The following PTPRK variants were observed in gnomAD, a reference collection of about 807,000 sequenced individuals.
PTPRK encodes protein tyrosine phosphatase receptor type K.
PTPRK carries 75 observed loss-of-function variants against 178.0 expected under a neutral mutation model. That is an observed-to-expected ratio of 0.42 (90% CI 0.35 to 0.51). The LOEUF is 0.51. Among genes scored for constraint, PTPRK ranks in the 20% least tolerant of loss-of-function variants. PTPRK has a pLI of 0.02. For synonymous variants in PTPRK, 637 were observed against 620.6 expected (o/e 1.03, Z -0.39); for missense variants, 1,441 against 1,797.8 (o/e 0.80, Z 3.59).
intron 3 of PTPRK, among the ~76,000 whole-genome samples, chr6:128,276,217 T>C (rs1038923857): frequency 6.6e-6 from 1 of 152,106 alleles, no homozygotes; most frequent in Non-Finnish European, 1.5e-5. Flanking sequence ...TGTAAGTAAT[T>C]TAAATACAAA....
At chr6:128,457,269 T>C (rs111541659) in intron 1 of PTPRK, among the ~76,000 whole-genome samples, 2 of 152,162 alleles carry the variant, frequency 1.3e-5, no homozygotes, top group Admixed American at 6.6e-5. Context: ...TTTCAAAGTA[T>C]ACAAACAGGA....
intron 2 of PTPRK, among the ~76,000 whole-genome samples, chr6:128,347,904 C>T (rs562315338): frequency 2.0e-5 from 3 of 151,874 alleles, no homozygotes; most frequent in African/African-American, 4.8e-5. Flanking sequence ...AACATTAATA[C>T]GTCGATTTTA....
At chr6:128,076,178 G>C (rs1045717504) in intron 11 of PTPRK, among the ~76,000 whole-genome samples, 2 of 151,924 alleles carry the variant, frequency 1.3e-5, no homozygotes, top group Admixed American at 6.6e-5. Flanking sequence ...AAAGATTTGA[G>C]ATACCAGACC....
chr6:128,055,099 A>G (rs1345524711), intron 13 of PTPRK, among the ~76,000 whole-genome samples: 3 of 152,214 alleles, frequency 2.0e-5, no homozygotes, highest in Non-Finnish European at 4.4e-5. Context: ...TATATTTGAA[A>G]GTTTTTTGGC....
intron 1 of PTPRK, among the ~76,000 whole-genome samples, chr6:128,433,725 C>T (rs978876870): frequency 2.6e-5 from 4 of 151,744 alleles, no homozygotes; most frequent in Non-Finnish European, 5.9e-5. Flanking sequence ...CCATGTTGCC[C>T]AGGCTGGTCT....
chr6:128,233,619 GTATCACA>G (rs1480990964), intron 5 of PTPRK, among the ~76,000 whole-genome samples: 1 of 152,186 alleles, frequency 6.6e-6, no homozygotes, highest in Admixed American at 6.5e-5. Context: ...GCAACTAGCT[GTATCACA>G]CTATTCTAGC....
At chr6:128,299,432 G>C (rs1825143633) in intron 3 of PTPRK, among the ~76,000 whole-genome samples, 1 of 152,000 alleles carries the variant, frequency 6.6e-6, no homozygotes, top group South Asian at 2.1e-4. Context: ...TAAGCCAAAA[G>C]AACAAAGCTG....
At chr6:128,453,495 A>G (rs577576353) in intron 1 of PTPRK, among the ~76,000 whole-genome samples, 15 of 152,166 alleles carry the variant, frequency 9.9e-5, no homozygotes, top group Admixed American at 4.6e-4. Flanking sequence ...GGCACAAAAT[A>G]AATCCTGAAC....
chr6:128,067,539 C>A lies in PTPRK; in HGVS notation c.2137G>T (p.Ala713Ser). Residue 713 changes from alanine to serine, a missense_variant, in exon 12 of 30, where the codon GCG becomes TCG. This residue lies in a region of PTPRK where 945 missense variants were observed against 1,080.6 expected (regional missense o/e 0.87). Coordinates refer to ENST00000368226, the MANE Select transcript of PTPRK (RefSeq NM_002844.4). ...PRKGYNIYFQ[A>S]MSSVEKETKT... The stretch of plus-strand genomic sequence containing the variant: ...CTCACCTTCTCCACACTGCTCATCG[C>A]CTGGAAATAGATGTTGTATCCTTTG... 6.4e-7 allele frequency: 1 copy of A among 1,568,550 alleles called. No homozygotes were observed. The highest frequency in any genetic ancestry group is 8.7e-7 in the Non-Finnish European group (1 of 1,150,686).
chr6:128,299,500 C>T (rs1825161634), intron 3 of PTPRK, among the ~76,000 whole-genome samples: 1 of 151,714 alleles, frequency 6.6e-6, no homozygotes, highest in South Asian at 2.1e-4. Context: ...ACCAAAACAG[C>T]ATGGTACTGG....
At chr6:128,111,288 T>C (rs1181717576) in intron 7 of PTPRK, among the ~76,000 whole-genome samples, 1 of 152,192 alleles carries the variant, frequency 6.6e-6, no homozygotes, top group African/African-American at 2.4e-5. Context: ...TTGCCAAAAG[T>C]ACTTTCCAGT....
rs1786595510 is a variant in PTPRK at position 128,089,728 on chromosome 6, T to C, written c.1427A>G (p.Lys476Arg). 2 of 1,613,106 alleles carry C rather than the reference T, an allele frequency of 1.2e-6. No homozygotes were observed. The highest frequency in any genetic ancestry group is 1.7e-6 in the Non-Finnish European group (2 of 1,179,164). ...TTGAATAATTGTCTCTTCACTCTCCTTCCTTCCCTCTGGATTGGTTAGGAT... is the reference window on the plus strand; with the variant it reads ...TTGAATAATTGTCTCTTCACTCTCCCTCCTTCCCTCTGGATTGGTTAGGAT... ...KMILTNPEGR[K>R]ESEETIIQTD... The change falls in exon 8 of 30, where the codon AAG (lysine) becomes AGG (arginine). Residue 476 changes from lysine (K) to arginine (R), a missense_variant. Coordinates refer to ENST00000368226, the MANE Select transcript of PTPRK (RefSeq NM_002844.4).
chr6:128,352,020 G>A (rs1172469500), intron 2 of PTPRK, among the ~76,000 whole-genome samples: 1 of 151,904 alleles, frequency 6.6e-6, no homozygotes, highest in Non-Finnish European at 1.5e-5. Flanking sequence ...ACTTTGGGAG[G>A]CTAAGGCAGG....
chr6:128,459,417 C>T (rs899150713), intron 1 of PTPRK, among the ~76,000 whole-genome samples: 5 of 152,130 alleles, frequency 3.3e-5, no homozygotes, highest in South Asian at 2.1e-4. Context: ...GAAAGCCATT[C>T]TCCCACCACC....
intron 4 of PTPRK, chr6:128,241,106 A>C: frequency 2.5e-6 from 1 of 404,142 alleles, no homozygotes; most frequent in South Asian, 2.0e-5. Flanking sequence ...GAACTTAGTA[A>C]GGCAGCTTGA....
chr6:128,421,118 A>AT (rs1843428608), intron 1 of PTPRK, among the ~76,000 whole-genome samples: 1 of 152,188 alleles, frequency 6.6e-6, no homozygotes, highest in Non-Finnish European at 1.5e-5. Flanking sequence ...TGACAGATAT[A>AT]TTTTTCCTAA....
Position 128,089,975 on chromosome 6 carries a change from T to C in PTPRK, c.1180A>G (p.Lys394Glu), listed in dbSNP as rs1376996521. The C allele has an allele frequency of 8.1e-6, 13 of 1,605,884 alleles. No homozygotes were observed. The highest frequency in any genetic ancestry group is 1.0e-5 in the Non-Finnish European group (12 of 1,172,598). The change falls in exon 8 of 30, where the codon AAG (lysine) becomes GAG (glutamate). Residue 394 changes from lysine (K) to glutamate (E), a missense_variant. Transcript: ENST00000368226. The stretch of plus-strand genomic sequence containing the variant: ...TGTATTTCAGCAATCTTTAATGTCT[T>C]TGGGGTTCTCATAGGTTCTGAAAAA... The part of the protein sequence containing the change: ...TKCAEPMRTP[K>E]TLKIAEIQAR...
chr6:128,476,405 AAAAC>A (rs565922884), intron 1 of PTPRK, among the ~76,000 whole-genome samples: 248 of 152,200 alleles, frequency 1.6e-3, no homozygotes, highest in Middle Eastern at 6.8e-3. Flanking sequence ...AATATTTAAG[AAAAC>A]AAACAAAACA....
chr6:128,381,992 G>A (rs942494808), intron 2 of PTPRK, among the ~76,000 whole-genome samples: 14 of 151,386 alleles, frequency 9.2e-5, no homozygotes, highest in Admixed American at 3.9e-4. Context: ...GACCAGCTTG[G>A]GCAACATGGC....
Sources: allele counts gnomAD v4.1 joint callset (sites outside exome capture counted in the v4.1 genomes callset), GRCh38; gene constraint gnomAD v4.1.1; regional missense constraint gnomAD v4.1.1; transcripts MANE v1.5; gene names NCBI Gene and HGNC (gene_info 2026-07-23, HGNC 2026-07-21).